The following PRUNE2 variants were observed in gnomAD, a reference collection of about 807,000 sequenced individuals.
The protein encoded by PRUNE2 is protein prune homolog 2.
PRUNE2 carries 164 observed loss-of-function variants against 252.0 expected under a neutral mutation model. The observed-to-expected ratio is 0.65, with a 90% CI of 0.57 to 0.74. PRUNE2 has a LOEUF of 0.74. Ranked by LOEUF, PRUNE2 falls within the 30% of genes least tolerant of loss-of-function variation. The probability of loss-of-function intolerance (pLI) is 0.00; values close to 1 mark genes in which losing one functional copy is unlikely to be tolerated. For missense variants in PRUNE2, 3,495 were observed against 3,711.0 expected (o/e 0.94, Z 1.51); for synonymous variants, 1,292 against 1,350.2 (o/e 0.96, Z 0.94).
rs918888716 is a variant in PRUNE2, at chr9:76,642,365, T to C, written c.8728+2374A>G. Among the ~76,000 whole-genome samples, 4 of 152,198 alleles carry C rather than the reference T, an allele frequency of 2.6e-5. No individual in the cohort carries two copies. In the South Asian group the frequency reaches 8.3e-4, roughly 31 times the overall value. On this transcript the variant is annotated intron_variant, in intron 12 of 18. Transcript: ENST00000376718. ...CCCCATTCTTCTACATTGTGTGCAA[T>C]AGCTCATATCAAGGTCACTAAAGCT...
chr9:76,767,857 C>T (rs7038114), intron 6 of PRUNE2, among the ~76,000 whole-genome samples: 33,032 of 152,156 alleles, frequency 0.22, 5,954 homozygotes, highest in African/African-American at 0.48. Context: ...CATTACCCTT[C>T]CATGCCCACT....
chr9:76,895,094 TA>T (rs1465502837), intron 1 of PRUNE2, among the ~76,000 whole-genome samples: 2 of 152,168 alleles, frequency 1.3e-5, no homozygotes, highest in Non-Finnish European at 2.9e-5. Context: ...CCACTCATCC[TA>T]AAAGTCCTGT....
At chr9:76,766,678 G>A (rs1009343961) in intron 6 of PRUNE2, among the ~76,000 whole-genome samples, 1 of 151,928 alleles carries the variant, frequency 6.6e-6, no homozygotes, top group Non-Finnish European at 1.5e-5. Context: ...AGTCACACTC[G>A]TCTTCTTCAA....
In PRUNE2 at chr9:76,614,293, C is replaced by T. The variant is rs1039903624; in HGVS notation, c.*277G>A. On this transcript the variant is annotated 3_prime_UTR_variant, in exon 19 of 19. Transcript: ENST00000376718. ...CAGTCTAAGGGACAAAGTATCACTACACCGTGTTAATGAAGTATTGAAATG... is the reference window on the plus strand; with the variant it reads ...CAGTCTAAGGGACAAAGTATCACTATACCGTGTTAATGAAGTATTGAAATG... 6.0e-5 allele frequency: 30 copies of T among 500,986 alleles called. No individual in the cohort carries two copies. The South Asian group carries it at 6.1e-4, about 10-fold the overall frequency. 31.0% of individuals were successfully genotyped at this position (500,986 alleles called of 1,614,324 possible). A position where few individuals can be genotyped will look rare whatever the true frequency, so the allele number is the denominator to read the frequency against.
At chr9:76,857,828 T>C (rs2060339590) in intron 1 of PRUNE2, among the ~76,000 whole-genome samples, 1 of 152,028 alleles carries the variant, frequency 6.6e-6, no homozygotes, top group Admixed American at 6.6e-5. Flanking sequence ...GGGCAGGTAA[T>C]GGGAGGTCCC....
At chr9:76,878,645 A>ATCTCGACTCACTGCAAGCTCCGCCTCT (rs2061594257) in intron 1 of PRUNE2, among the ~76,000 whole-genome samples, 1 of 152,198 alleles carries the variant, frequency 6.6e-6, no homozygotes, top group Non-Finnish European at 1.5e-5. Flanking sequence ...TGCAAGGACA[A>ATCTCGACTCACTGCAAGCTCCGCCTCT]GGTATTCATT....
Position 76,705,381 on chromosome 9 carries a change from G to T in PRUNE2, c.6893C>A (p.Ala2298Asp). ...SDTCLDISEA[A>D]FDHSFSDASG... ...GGCATCGCTGAAACTGTGGTCAAAG[G>T]CAGCTTCGCTTATATCCAGACAAGT... Residue 2298 changes from alanine (A) to aspartate (D), a missense_variant, in exon 8 of 19, where the codon GCC becomes GAC. Transcript: ENST00000376718. The T allele has an allele frequency of 6.2e-7, 1 of 1,613,980 alleles. No individual in the cohort carries two copies. The highest frequency in any genetic ancestry group is 8.5e-7 in the Non-Finnish European group (1 of 1,179,882).
At chr9:76,624,098 C>A (rs1213248478) in intron 17 of PRUNE2, among the ~76,000 whole-genome samples, 2 of 152,196 alleles carry the variant, frequency 1.3e-5, no homozygotes, top group Admixed American at 6.5e-5. Context: ...TTCCTCCCCA[C>A]TGGTATGAAT....
intron 17 of PRUNE2, among the ~76,000 whole-genome samples, chr9:76,620,974 T>C (rs1402655566): frequency 6.6e-6 from 1 of 152,216 alleles, no homozygotes; most frequent in Non-Finnish European, 1.5e-5. Context: ...CTTTCCTGTA[T>C]ACAGCTAAGG....
Position 76,684,783 on chromosome 9 carries a change from G to A in PRUNE2, c.8276+18554C>T, listed in dbSNP as rs1439704378. On this transcript the variant is annotated intron_variant, in intron 9 of 18. Transcript: ENST00000376718. ...TTATTTATTTTTGAGATGGAGTCTC[G>A]CTCTGTTGCCCAGGCTGGAGTGCAG... Among the ~76,000 whole-genome samples the A allele has an allele frequency of 2.7e-4, 41 of 152,100 alleles. 1 individual carries two copies. Among genetic ancestry groups the A allele is most frequent in the Admixed American group, 2.5e-3 (38 of 15,282 alleles).
intron 9 of PRUNE2, among the ~76,000 whole-genome samples, chr9:76,695,055 T>C (rs921912553): frequency 7.2e-5 from 11 of 152,214 alleles, no homozygotes; most frequent in African/African-American, 2.7e-4. Context: ...TATTATTATT[T>C]GAGATGGTCT....
chr9:76,857,032 G>C (rs1301669144), intron 1 of PRUNE2: 2 of 455,728 alleles, frequency 4.4e-6, no homozygotes, highest in East Asian at 1.4e-4. Flanking sequence ...GGGATTACAG[G>C]CGTGAGCCAC....
chr9:76,762,543 G>A (rs2051841231), intron 6 of PRUNE2, among the ~76,000 whole-genome samples: 1 of 152,292 alleles, frequency 6.6e-6, no homozygotes, highest in East Asian at 1.9e-4. Context: ...TCTGAGAGAG[G>A]TGGTGAGATA....
At chr9:76,864,626 C>T (rs1049817394) in intron 1 of PRUNE2, among the ~76,000 whole-genome samples, 20 of 152,008 alleles carry the variant, frequency 1.3e-4, no homozygotes, top group African/African-American at 4.8e-4. Context: ...ATAGTTGTAC[C>T]ATTTTGCCAT....
At chr9:76,837,875 C>A (rs1200476691) in intron 4 of PRUNE2, among the ~76,000 whole-genome samples, 2 of 151,218 alleles carry the variant, frequency 1.3e-5, no homozygotes, top group Non-Finnish European at 2.9e-5. Flanking sequence ...GGGTTCACGC[C>A]ATTCTCCTGC....
chr9:76,817,854 A>ATCG, intron 6 of PRUNE2: 1 of 152,174 alleles, frequency 6.6e-6, no homozygotes, highest in East Asian at 1.9e-4. Flanking sequence ...AGCACTCACC[A>ATCG]TCATCAACTT....
intron 6 of PRUNE2, among the ~76,000 whole-genome samples, chr9:76,733,279 G>A (rs2048789700): frequency 6.6e-6 from 1 of 152,208 alleles, no homozygotes; most frequent in Non-Finnish European, 1.5e-5. Context: ...TTCATGGACT[G>A]AAGTGCTATA....
chr9:76,666,287 A>T (rs1050953016), intron 9 of PRUNE2, among the ~76,000 whole-genome samples: 1 of 152,024 alleles, frequency 6.6e-6, no homozygotes, highest in East Asian at 1.9e-4. Flanking sequence ...TTCCCCGGGG[A>T]AGTTTAGAGA....
intron 4 of PRUNE2, among the ~76,000 whole-genome samples, chr9:76,828,523 T>C (rs528700535): frequency 3.3e-5 from 5 of 152,212 alleles, no homozygotes; most frequent in African/African-American, 9.6e-5. Flanking sequence ...CTGGCTATCA[T>C]GCAGAGAAAA....
Sources: allele counts gnomAD v4.1 joint callset (sites outside exome capture counted in the v4.1 genomes callset), GRCh38; gene constraint gnomAD v4.1.1; transcripts MANE v1.5; gene names NCBI Gene and HGNC (gene_info 2026-07-23, HGNC 2026-07-21).